The following AACS variants were observed in gnomAD, a reference collection of about 807,000 sequenced individuals.
AACS encodes the protein acetoacetyl-CoA synthetase.
A neutral mutation model predicts 83.1 loss-of-function variants in AACS; 69 were observed. The observed-to-expected ratio is 0.83, with a 90% CI of 0.68 to 1.01. AACS has a LOEUF of 1.01. Ranked by LOEUF, AACS falls within the 50% of genes least tolerant of loss-of-function variation. The pLI is 0.00. For synonymous variants in AACS, 333 were observed against 343.4 expected (o/e 0.97, Z 0.33); for missense variants, 866 against 882.2 (o/e 0.98, Z 0.23).
At chr12:125,072,304 T>C (rs1212881091) in intron 1 of AACS, among the ~76,000 whole-genome samples, 2 of 152,160 alleles carry the variant, frequency 1.3e-5, no homozygotes, top group Admixed American at 6.6e-5. Flanking sequence ...GATCCCTCCT[T>C]GTCCAACATA....
rs1310954295 is a variant in AACS at position 125,094,985 on chromosome 12, G to A, written c.570+3462G>A. On this transcript the variant is annotated intron_variant, in intron 5 of 17. Transcript: ENST00000316519. The surrounding 1 kb of genome is among the most constrained non-coding windows in gnomAD (Gnocchi z 4.1). ...GAAGTGCCATCAGGTGGCCGTGTGT[G>A]TGTGTGTGTGTGTGTGTGTGTGTGT... Among the ~76,000 whole-genome samples the A allele has an allele frequency of 1.4e-3, 1 of 714 alleles. No homozygotes were observed. Among genetic ancestry groups the A allele is most frequent in the Non-Finnish European group, 3.0e-3 (1 of 336 alleles). The allele number at this position is 714 out of a possible 152,430, so 0.5% of individuals were successfully genotyped here. A position where few individuals can be genotyped will look rare whatever the true frequency, so the allele number is the denominator to read the frequency against.
chr12:125,081,907 C>T (rs1209814486), intron 3 of AACS, among the ~76,000 whole-genome samples: 7 of 150,612 alleles, frequency 4.6e-5, no homozygotes, highest in African/African-American at 1.5e-4. Flanking sequence ...TGGAGTTTCA[C>T]TCTTGTTGCC....
chr12:125,085,716 T>C (rs1003414786), intron 3 of AACS, among the ~76,000 whole-genome samples: 1 of 152,224 alleles, frequency 6.6e-6, no homozygotes, highest in Non-Finnish European at 1.5e-5. Context: ...CTCTCTGTTC[T>C]TTCTTTGAAA....
chr12:125,118,511 G>C, intron 9 of AACS, 130 bp from the exon 10 acceptor site: 1 of 1,294,108 alleles, frequency 7.7e-7, no homozygotes, highest in Admixed American at 2.5e-5. Flanking sequence ...TCCTGCATTT[G>C]AAATGGGAAG....
intron 14 of AACS, among the ~76,000 whole-genome samples, chr12:125,131,985 C>G (rs555239003): frequency 6.6e-6 from 1 of 152,238 alleles, no homozygotes; most frequent in East Asian, 1.9e-4. Flanking sequence ...ACATTCCAAA[C>G]AGGCCTGGTC....
chr12:125,125,094 A>T, intron 12 of AACS, 70 bp downstream of exon 12: 1 of 1,597,236 alleles, frequency 6.3e-7, no homozygotes, highest in Non-Finnish European at 8.5e-7. Flanking sequence ...ACCTCTGCCC[A>T]GTGCTTGGAT....
chr12:125,073,966 G>T lies in AACS; in HGVS notation c.224G>T (p.Arg75Leu), dbSNP rs776941235. 5 of 1,613,470 alleles carry T rather than the reference G, an allele frequency of 3.1e-6. No homozygotes were observed. The highest frequency in any genetic ancestry group is 4.2e-6 in the Non-Finnish European group (5 of 1,179,460). The change falls in exon 2 of 18, where the codon CGT becomes CTT. Residue 75 changes from arginine (R) to leucine (L), a missense_variant. Arg to Leu is a moderately radical substitution (Grantham distance 102). Coordinates refer to ENST00000316519, the MANE Select transcript of AACS (RefSeq NM_023928.5). ...FWKFSGIVFSRVYDEVVDTSK... is the reference protein window; with the variant it reads ...FWKFSGIVFSLVYDEVVDTSK... ...AAATTCAGTGGAATTGTCTTCTCAC[G>T]TGTGTATGATGAGGTAAGTAGAGAT...
rs762552346 is a variant in AACS at position 125,118,694 on chromosome 12, C to A, written c.1050C>A (p.Ala350=). 5 of 1,614,028 alleles carry A rather than the reference C, an allele frequency of 3.1e-6. No homozygotes were observed. Among genetic ancestry groups the A allele is most frequent in the East Asian group, 4.5e-5 (2 of 44,886 alleles). The part of the protein sequence containing the change: ...WMVSLLATGA[A]MVLYDGSPLV... ...TGTCCCTTCTGGCCACAGGAGCGGC[C>A]ATGGTCTTGTACGATGGCTCCCCCC... is the stretch of plus-strand genomic sequence containing the variant. Residue 350 remains alanine (A), a synonymous_variant, in exon 10 of 18, where the codon GCC becomes GCA. Coordinates refer to ENST00000316519, the MANE Select transcript of AACS (RefSeq NM_023928.5).
chr12:125,068,695 A>T (rs1955772463), intron 1 of AACS, among the ~76,000 whole-genome samples: 1 of 151,952 alleles, frequency 6.6e-6, no homozygotes, highest in African/African-American at 2.4e-5. Context: ...CTGGCCCTGG[A>T]GGCTTTGGGC....
intron 4 of AACS, among the ~76,000 whole-genome samples, chr12:125,090,207 TTATC>T (rs1956444965): frequency 8.2e-4 from 1 of 1,222 alleles, no homozygotes; most frequent in Non-Finnish European, 1.6e-3. Flanking sequence ...CATTTACCCA[TTATC>T]CATCTATCCA....
At chr12:125,103,133 T>G in intron 7 of AACS, 52 bp downstream of exon 7, 6 of 1,483,068 alleles carry the variant, frequency 4.0e-6, no homozygotes, top group Non-Finnish European at 5.6e-6. Context: ...CTGGAGCTCC[T>G]GCGGGGAAGT....
rs1221855536 is a variant in AACS, at chr12:125,114,458, C to T, written c.916-19C>T. On this transcript the variant is annotated intron_variant, in intron 8 of 17. Transcript: ENST00000316519. ...TATGCCTAACAGAGAGCACCCGCTC[C>T]CCCGTGTCTCCCCTGCAGGGCACCC... The T allele has an allele frequency of 6.2e-7, 1 of 1,610,440 alleles. No homozygotes were observed.
chr12:125,077,869 T>G (rs1956067352), intron 3 of AACS, among the ~76,000 whole-genome samples: 2 of 151,978 alleles, frequency 1.3e-5, no homozygotes, highest in Admixed American at 1.3e-4. Context: ...CCACCATTGC[T>G]GGCTAATTTT....
At chr12:125,076,707 A>G in intron 3 of AACS, 96 bp downstream of exon 3, 1 of 1,535,520 alleles carries the variant, frequency 6.5e-7, no homozygotes, top group Non-Finnish European at 8.8e-7. Context: ...GGATTTCTAA[A>G]CCATATGTTG....
At position 125,114,594 on chromosome 12, in the gene AACS, A is replaced by G. The variant is rs191075128; in HGVS notation, c.996+37A>G. On this transcript the variant is annotated intron_variant, in intron 9 of 17. Coordinates refer to ENST00000316519, the MANE Select transcript of AACS (RefSeq NM_023928.5). ...CCCAGGTGCTGGCCTGTGCTATACC[A>G]CAATAGGGGCTTCCCTGGGTGCCAG... is the stretch of plus-strand genomic sequence containing the variant. The G allele has an allele frequency of 7.8e-4, 1,222 of 1,569,148 alleles. 13 individuals carry two copies. In the African/African-American group the frequency reaches 0.015, roughly 20 times the overall value.
At chr12:125,087,102 G>A (rs1057351605) in intron 4 of AACS, among the ~76,000 whole-genome samples, 7 of 152,132 alleles carry the variant, frequency 4.6e-5, no homozygotes, top group African/African-American at 1.7e-4. Flanking sequence ...CAAAGGCCTC[G>A]TCCACTTTCT....
At chr12:125,105,892 T>C (rs1379309507) in intron 7 of AACS, 1 of 152,246 alleles carries the variant, frequency 6.6e-6, no homozygotes, top group East Asian at 1.9e-4. Flanking sequence ...AATGGGATTC[T>C]TATAGGAGGT....
chr12:125,076,674 G>A (rs1594575217), intron 3 of AACS, 63 bp downstream of exon 3: 16 of 1,598,658 alleles, frequency 1.0e-5, no homozygotes, highest in South Asian at 2.2e-5. Context: ...GCATGCATGC[G>A]GTGCCACATA....
rs1388441316 is a variant in AACS at position 125,118,748 on chromosome 12, C to G, written c.1104C>G (p.Asp368Glu). The change falls in exon 10 of 18, where the codon GAC (aspartate) becomes GAG (glutamate). Residue 368 changes from aspartate to glutamate, a missense_variant. Physicochemically the swap from Asp to Glu is conservative, Grantham distance 45 (BLOSUM62 2). Transcript: ENST00000316519. ...PLVPTPNVLWDLVDRIGITVL... is the reference protein window; with the variant it reads ...PLVPTPNVLWELVDRIGITVL... ...TGCCCACGCCCAATGTGCTCTGGGA[C>G]CTGGTTGACAGGATAGGGTAGGTAC... is the stretch of plus-strand genomic sequence containing the variant. The G allele has an allele frequency of 1.2e-6, 2 of 1,614,118 alleles. No homozygotes were observed. The highest frequency in any genetic ancestry group is 4.5e-5 in the East Asian group (2 of 44,880).
Sources: gnomAD v4.1 joint callset for allele counts (sites outside exome capture counted in the v4.1 genomes callset) on GRCh38, gnomAD v4.1.1 for gene constraint, Gnocchi (gnomAD v3.1) non-coding constraint, MANE v1.5 for transcripts, NCBI Gene and HGNC (gene_info 2026-07-23, HGNC 2026-07-21) for gene names.